The following RBFOX1 variants were observed in gnomAD, a reference collection of about 807,000 sequenced individuals.
RBFOX1 encodes RNA binding protein fox-1 homolog 1.
In RBFOX1, 8 loss-of-function variants were observed where a neutral mutation model predicts 57.7. The ratio of observed to expected loss-of-function variants is 0.14; its 90% CI spans 0.08 to 0.25. The LOEUF (loss-of-function observed/expected upper bound fraction) is 0.25. Ranked by LOEUF, RBFOX1 falls within the 10% of genes least tolerant of loss-of-function variation. The probability of loss-of-function intolerance (pLI) is 1.00; values close to 1 mark genes in which losing one functional copy is unlikely to be tolerated. For missense variants in RBFOX1, 611 were observed against 548.5 expected, an observed-to-expected ratio of 1.11 and a Z score of -1.14; for synonymous variants, 326 against 222.4, an observed-to-expected ratio of 1.47 and a Z score of -4.15.
chr16:6,785,680 C>CG lies in RBFOX1; in HGVS notation c.-16+131030_-16+131031insG, dbSNP rs2081835865. On this transcript the variant is annotated intron_variant, in intron 3 of 15. Coordinates refer to ENST00000550418, the MANE Select transcript of RBFOX1 (RefSeq NM_018723.4). ...ATTTCCACGTTCCATGTACCATGTTCCATGTGAGCATGTTACAGCCACTGT... is the reference window on the plus strand; with the variant it reads ...ATTTCCACGTTCCATGTACCATGTTCGCATGTGAGCATGTTACAGCCACTGT... Among the ~76,000 whole-genome samples, 5 of 152,262 alleles carry CG rather than the reference C, an allele frequency of 3.3e-5. No individual in the cohort carries two copies. In the South Asian group the frequency reaches 1.0e-3, roughly 32 times the overall value.
At position 7,269,191 on chromosome 16, in the gene RBFOX1, C is replaced by T. The variant is rs911852950; in HGVS notation, c.27+217093C>T. ...CAGTTTCCGGTTATTCCAGAATATACAGCACGTTGGTGACTTGTTCCACAT... is the reference window on the plus strand; with the variant it reads ...CAGTTTCCGGTTATTCCAGAATATATAGCACGTTGGTGACTTGTTCCACAT... On this transcript the variant is annotated intron_variant, in intron 4 of 15. Coordinates refer to ENST00000550418, the MANE Select transcript of RBFOX1 (RefSeq NM_018723.4). Among the ~76,000 whole-genome samples, 7 of 151,592 alleles carry T rather than the reference C, an allele frequency of 4.6e-5. No homozygotes were observed. In the South Asian group the frequency reaches 1.5e-3, roughly 32 times the overall value.
At chr16:7,054,738 T>G (rs912439090) in intron 4 of RBFOX1, among the ~76,000 whole-genome samples, 15 of 152,200 alleles carry the variant, frequency 9.9e-5, no homozygotes, top group African/African-American at 3.6e-4. Context: ...AAATGTGTCC[T>G]AAGTGCAGCA....
intron 3 of RBFOX1, among the ~76,000 whole-genome samples, chr16:5,840,404 G>A (rs1223238584): frequency 1.3e-5 from 2 of 152,176 alleles, no homozygotes; most frequent in African/African-American, 2.4e-5. Context: ...ATGAGATGAG[G>A]TGAGGCTGTG....
At chr16:5,837,277 AC>A (rs1425580117) in intron 3 of RBFOX1, among the ~76,000 whole-genome samples, 1 of 150,748 alleles carries the variant, frequency 6.6e-6, no homozygotes. Flanking sequence ...CTACACACAA[AC>A]TGCATCTTCT....
intron 4 of RBFOX1, among the ~76,000 whole-genome samples, chr16:5,944,695 C>T (rs2059356288): frequency 6.7e-6 from 1 of 150,110 alleles, no homozygotes; most frequent in South Asian, 2.1e-4. Context: ...TGGCTCACGC[C>T]TGTAATCCCA....
chr16:6,506,892 C>G (rs1309592468), intron 2 of RBFOX1, among the ~76,000 whole-genome samples: 1 of 152,110 alleles, frequency 6.6e-6, no homozygotes, highest in Non-Finnish European at 1.5e-5. Context: ...AAGTGATCCA[C>G]CTGCCTTGGC....
chr16:5,424,915 C>G (rs1418638377), intron 1 of RBFOX1, among the ~76,000 whole-genome samples: 2 of 100,392 alleles, frequency 2.0e-5, no homozygotes, highest in East Asian at 2.7e-4. Context: ...TTCTTTCTTT[C>G]TTTCTTTCTT....
At chr16:7,217,097 C>T (rs1271298108) in intron 4 of RBFOX1, among the ~76,000 whole-genome samples, 1 of 139,096 alleles carries the variant, frequency 7.2e-6, no homozygotes, top group Non-Finnish European at 1.5e-5. Flanking sequence ...TTTCCCTTTC[C>T]TTCCCTTCCC....
chr16:6,570,125 A>G (rs2097325009), intron 2 of RBFOX1, among the ~76,000 whole-genome samples: 1 of 152,232 alleles, frequency 6.6e-6, no homozygotes, highest in Non-Finnish European at 1.5e-5. Context: ...CCATGTGCTT[A>G]AATGAAATCT....
intron 1 of RBFOX1, among the ~76,000 whole-genome samples, chr16:6,140,298 TGTCCTGCTTCA>T (rs1282509085): frequency 6.6e-6 from 1 of 152,126 alleles, no homozygotes; most frequent in African/African-American, 2.4e-5. Flanking sequence ...TTCAAGCGAT[TGTCCTGCTTCA>T]GCCCCATGAG....
At chr16:6,612,724 T>C (rs1008877179) in intron 2 of RBFOX1, among the ~76,000 whole-genome samples, 2 of 151,734 alleles carry the variant, frequency 1.3e-5, no homozygotes, top group Non-Finnish European at 2.9e-5. Flanking sequence ...TGGTGGTCGG[T>C]GTCTGCAATC....
chr16:6,825,448 A>G (rs1423506139), intron 3 of RBFOX1, among the ~76,000 whole-genome samples: 1 of 152,140 alleles, frequency 6.6e-6, no homozygotes, highest in Non-Finnish European at 1.5e-5. Context: ...AAGGGAAAGG[A>G]AAAATAACGA....
At chr16:5,753,968 C>G (rs954612739) in intron 3 of RBFOX1, among the ~76,000 whole-genome samples, 2 of 152,134 alleles carry the variant, frequency 1.3e-5, no homozygotes, top group African/African-American at 2.4e-5. Flanking sequence ...ATTATCTAGC[C>G]TCTCCACGTA....
chr16:5,630,428 G>A (rs1168923111), intron 3 of RBFOX1, among the ~76,000 whole-genome samples: 1 of 152,054 alleles, frequency 6.6e-6, no homozygotes, highest in Non-Finnish European at 1.5e-5. Flanking sequence ...TTGCACTCCA[G>A]CCTGGGTGAC....
chr16:6,801,687 G>A (rs376660957), intron 3 of RBFOX1, among the ~76,000 whole-genome samples: 4 of 152,184 alleles, frequency 2.6e-5, no homozygotes, highest in South Asian at 4.2e-4. Context: ...GCTATTTCTC[G>A]TGGTCTAATA....
intron 4 of RBFOX1, among the ~76,000 whole-genome samples, chr16:7,189,338 A>G (rs1445518689): frequency 6.8e-6 from 1 of 146,068 alleles, no homozygotes; most frequent in African/African-American, 2.5e-5. Flanking sequence ...AGGCAGGAGA[A>G]TGGTGTGAAC....
At chr16:6,062,211 C>T (rs1194259561) in intron 1 of RBFOX1, among the ~76,000 whole-genome samples, 1 of 152,128 alleles carries the variant, frequency 6.6e-6, no homozygotes, top group Non-Finnish European at 1.5e-5. Flanking sequence ...CTGAACTGTC[C>T]TTTCAGGTTT....
intron 3 of RBFOX1, among the ~76,000 whole-genome samples, chr16:5,632,245 C>T (rs955457322): frequency 6.6e-6 from 1 of 152,228 alleles, no homozygotes; most frequent in African/African-American, 2.4e-5. Flanking sequence ...CAACTAGCCA[C>T]AGTCTGATGA....
chr16:5,822,900 G>A (rs1438715117), intron 3 of RBFOX1, among the ~76,000 whole-genome samples: 1 of 152,232 alleles, frequency 6.6e-6, no homozygotes, highest in African/African-American at 2.4e-5. Context: ...TGAGGCCTCT[G>A]TCTTGCCAGG....
Sources: gnomAD v4.1 joint callset for allele counts (sites outside exome capture counted in the v4.1 genomes callset) on GRCh38, gnomAD v4.1.1 for gene constraint, MANE v1.5 for transcripts, NCBI Gene and HGNC (gene_info 2026-07-23, HGNC 2026-07-21) for gene names.